The following OLFML1 variants were observed in gnomAD, a reference collection of about 807,000 sequenced individuals.
OLFML1 encodes the protein olfactomedin like 1.
In OLFML1, 33 loss-of-function variants were observed where a neutral mutation model predicts 37.3. That is an observed-to-expected ratio of 0.88 (90% confidence interval 0.67 to 1.18). The LOEUF is 1.18. OLFML1 is among the 50% of genes most tolerant of loss of function. The pLI is 0.00. For synonymous variants in OLFML1, 186 were observed against 181.3 expected (o/e 1.03, Z -0.21); for missense variants, 545 against 483.7 (o/e 1.13, Z -1.19).
chr11:7,498,976 C>T (rs1848691580), intron 2 of OLFML1, among the ~76,000 whole-genome samples: 2 of 152,200 alleles, frequency 1.3e-5, no homozygotes, highest in South Asian at 4.1e-4. Context: ...TTCCCCATCC[C>T]CAAGCCATTC....
At chr11:7,508,976 G>C (rs1370565731) in intron 2 of OLFML1, among the ~76,000 whole-genome samples, 1 of 152,212 alleles carries the variant, frequency 6.6e-6, no homozygotes, top group Non-Finnish European at 1.5e-5. Flanking sequence ...CCTGAAGTGA[G>C]TAAAATGCTG....
In OLFML1 at chr11:7,496,254, G is replaced by A. The variant is rs1417065319; in HGVS notation, c.418+7839G>A. Among the ~76,000 whole-genome samples, 3 of 152,334 alleles carry A rather than the reference G, an allele frequency of 2.0e-5. No individual in the cohort carries two copies. The East Asian group carries it at 5.8e-4, about 29-fold the overall frequency. On this transcript the variant is annotated intron_variant, in intron 2 of 2. Coordinates refer to ENST00000329293, the MANE Select transcript of OLFML1 (RefSeq NM_198474.4). ...AAAGCAGAAGTACACAAGGTCCCTA[G>A]GAACTTAGCCTGGTCACTTTAACAC...
At chr11:7,492,443 T>TC (rs1175694271) in intron 2 of OLFML1, among the ~76,000 whole-genome samples, 1 of 152,214 alleles carries the variant, frequency 6.6e-6, no homozygotes, top group African/African-American at 2.4e-5. Flanking sequence ...TGATGCAACT[T>TC]CCTTGGAAAA....
chr11:7,485,914 T>C lies in OLFML1; in HGVS notation c.39T>C (p.Val13=). The C allele has an allele frequency of 6.2e-7, 1 of 1,613,974 alleles. No individual in the cohort carries two copies. Among genetic ancestry groups the C allele is most frequent in the East Asian group, 2.2e-5 (1 of 44,876 alleles). Residue 13 remains valine, a synonymous_variant, in exon 1 of 3, where the codon GTT becomes GTC. Coordinates refer to ENST00000329293, the MANE Select transcript of OLFML1 (RefSeq NM_198474.4). ...VALRGASALL[V]LFLAAFLPPP... is the part of the protein sequence containing the mutation. The stretch of plus-strand genomic sequence containing the variant: ...TTCGAGGAGCTTCTGCATTGCTGGT[T>C]CTGTTCCTTGCAGCTTTTCTGCCCC...
Position 7,509,822 on chromosome 11 carries a change from C to A in OLFML1, c.843C>A (p.Ala281=). Reference sequence around the variant, plus strand: ...CTGTGGATGAGCATGGGCTCTGGGCCATCCACTCTGGGCCAGGCACCCATA... The same window carrying A: ...CTGTGGATGAGCATGGGCTCTGGGCAATCCACTCTGGGCCAGGCACCCATA... ...DLAVDEHGLW[A]IHSGPGTHSH... is the part of the protein sequence containing the mutation. Residue 281 remains alanine, a synonymous_variant, in exon 3 of 3, where the codon GCC becomes GCA. Transcript: ENST00000329293. The A allele has an allele frequency of 6.2e-7, 1 of 1,614,030 alleles. No homozygotes were observed.
chr11:7,497,475 A>C, intron 2 of OLFML1, among the ~76,000 whole-genome samples: 1 of 152,168 alleles, frequency 6.6e-6, no homozygotes, highest in East Asian at 1.9e-4. Context: ...TTCCAGAAGG[A>C]GGCACTGGAA....
chr11:7,497,085 C>T (rs987516451), intron 2 of OLFML1, among the ~76,000 whole-genome samples: 6 of 152,116 alleles, frequency 3.9e-5, no homozygotes, highest in Admixed American at 3.9e-4. Flanking sequence ...TGAGTGTTGA[C>T]GAGCCTGGAT....
intron 2 of OLFML1, among the ~76,000 whole-genome samples, chr11:7,506,569 A>G (rs1268383604): frequency 6.6e-6 from 1 of 152,166 alleles, no homozygotes; most frequent in African/African-American, 2.4e-5. Flanking sequence ...TGGGCTAACC[A>G]TGAAGACCAG....
chr11:7,502,872 C>T (rs1226773104), intron 2 of OLFML1, among the ~76,000 whole-genome samples: 2 of 152,162 alleles, frequency 1.3e-5, no homozygotes, highest in Non-Finnish European at 2.9e-5. Flanking sequence ...TCCCAAAGTG[C>T]TAGGATTATA....
rs1201703386 is a variant in OLFML1, at chr11:7,509,383, C to T, written c.419-15C>T. On this transcript the variant is annotated splice_polypyrimidine_tract_variant and intron_variant, in intron 2 of 2. Transcript: ENST00000329293. Reference sequence around the variant, plus strand: ...GTTTATAAAGTAATCTCTCCTTTTTCTCCTGTTTGGCCAGGCTGTGACAAC... The same window carrying T: ...GTTTATAAAGTAATCTCTCCTTTTTTTCCTGTTTGGCCAGGCTGTGACAAC... 19 of 1,570,544 alleles carry T rather than the reference C, an allele frequency of 1.2e-5. No homozygotes were observed. In the Admixed American group the frequency reaches 1.7e-4, roughly 14 times the overall value.
Position 7,509,725 on chromosome 11 carries a change from G to A in OLFML1, c.746G>A (p.Arg249Gln), listed in dbSNP as rs370994936. 5.2e-5 allele frequency: 84 copies of A among 1,614,178 alleles called. No homozygotes were observed. The African/African-American group carries it at 7.9e-4, about 15-fold the overall frequency. The change falls in exon 3 of 3, where the codon CGA becomes CAA. Residue 249 changes from arginine to glutamine, a missense_variant. Transcript: ENST00000329293. ...YNLQKRTVED[R>Q]MLLPGGVGRA... ...CTGCAGAAGAGGACTGTGGAAGATCGAATGCTGCTCCCAGGAGGGGTAGGC... is the reference window on the plus strand; with the variant it reads ...CTGCAGAAGAGGACTGTGGAAGATCAAATGCTGCTCCCAGGAGGGGTAGGC...
At chr11:7,499,897 GTTGT>G (rs1422191298) in intron 2 of OLFML1, among the ~76,000 whole-genome samples, 10 of 152,246 alleles carry the variant, frequency 6.6e-5, no homozygotes, top group African/African-American at 1.9e-4. Context: ...CTTTGTTGTT[GTTGT>G]TTGTTTTGAG....
chr11:7,503,444 G>A (rs1407664925), intron 2 of OLFML1, among the ~76,000 whole-genome samples: 1 of 152,228 alleles, frequency 6.6e-6, no homozygotes, highest in Admixed American at 6.5e-5. Context: ...CTGTAAAGTT[G>A]ATAAGGATGA....
At chr11:7,500,346 C>T (rs989919278) in intron 2 of OLFML1, among the ~76,000 whole-genome samples, 3 of 152,212 alleles carry the variant, frequency 2.0e-5, no homozygotes, top group Admixed American at 1.3e-4. Flanking sequence ...AGTCAAGTCC[C>T]ATAGTCTGTG....
chr11:7,496,716 CT>C (rs772470166), intron 2 of OLFML1, among the ~76,000 whole-genome samples: 3 of 151,750 alleles, frequency 2.0e-5, no homozygotes, highest in Non-Finnish European at 4.4e-5. Context: ...AAAAAAAACA[CT>C]ATGCAAAAAA....
chr11:7,488,605 C>T, intron 2 of OLFML1, 190 bp downstream of exon 2: 1 of 491,768 alleles, frequency 2.0e-6, no homozygotes, highest in Non-Finnish European at 3.6e-6. Flanking sequence ...CTCGCAAAGC[C>T]ATTCTTTCTT....
Position 7,488,243 on chromosome 11 carries a change from G to T in OLFML1, c.246G>T (p.Lys82Asn). The T allele has an allele frequency of 1.9e-6, 3 of 1,614,054 alleles. No homozygotes were observed. Among genetic ancestry groups the T allele is most frequent in the Non-Finnish European group, 2.5e-6 (3 of 1,179,988 alleles). The change falls in exon 2 of 3, where the codon AAG becomes AAT. Residue 82 changes from lysine to asparagine, a missense_variant. Transcript: ENST00000329293. Reference protein sequence around the residue: ...GRCQTYTSEYKSAVGNLALRV... With the variant: ...GRCQTYTSEYNSAVGNLALRV... ...GTCAGACCTACACAAGTGAGTACAA[G>T]AGTGCAGTGGGTAACTTGGCACTGA... is the stretch of plus-strand genomic sequence containing the variant.
At chr11:7,505,319 A>G (rs1848773528) in intron 2 of OLFML1, among the ~76,000 whole-genome samples, 3 of 152,068 alleles carry the variant, frequency 2.0e-5, no homozygotes, top group Non-Finnish European at 4.4e-5. Flanking sequence ...GACTCTATCT[A>G]ACTATCATTC....
At chr11:7,499,150 T>C (rs1848693285) in intron 2 of OLFML1, among the ~76,000 whole-genome samples, 1 of 152,390 alleles carries the variant, frequency 6.6e-6, no homozygotes, top group Admixed American at 6.5e-5. Context: ...TTACAAGTTA[T>C]ATGAAAAGAT....
Sources: allele counts gnomAD v4.1 joint callset (sites outside exome capture counted in the v4.1 genomes callset), GRCh38; gene constraint gnomAD v4.1.1; transcripts MANE v1.5; gene names NCBI Gene and HGNC (gene_info 2026-07-23, HGNC 2026-07-21).